Variants in SYT1 observed in about 807,000 individuals in gnomAD.
SYT1 encodes the protein synaptotagmin-1.
Under a neutral mutation model 44.8 loss-of-function variants are expected in SYT1, and 8 were observed. The ratio of observed to expected loss-of-function variants is 0.18; its 90% CI spans 0.10 to 0.32. SYT1 has a LOEUF of 0.32. Among genes scored for constraint, SYT1 ranks in the 10% least tolerant of loss-of-function variants. SYT1 has a pLI of 1.00. For missense variants in SYT1, 286 were observed against 509.3 expected, an observed-to-expected ratio of 0.56 and a Z score of 4.22; for synonymous variants, 154 against 188.8, an observed-to-expected ratio of 0.82 and a Z score of 1.51.
At chr12:79,273,443 A>C (rs1321903285) in intron 4 of SYT1, among the ~76,000 whole-genome samples, 1 of 152,158 alleles carries the variant, frequency 6.6e-6, no homozygotes, top group Admixed American at 6.5e-5. Context: ...GAAGGAAAAG[A>C]GAAACTTAAC....
At chr12:79,127,750 G>A (rs183653175) in intron 3 of SYT1, among the ~76,000 whole-genome samples, 1 of 152,296 alleles carries the variant, frequency 6.6e-6, no homozygotes, top group Admixed American at 6.5e-5. Context: ...AAGACGAAAA[G>A]CTCATAGGAG....
At chr12:79,113,409 T>A (rs529450077) in intron 3 of SYT1, among the ~76,000 whole-genome samples, 1 of 152,286 alleles carries the variant, frequency 6.6e-6, no homozygotes, top group African/African-American at 2.4e-5. Flanking sequence ...AGATATGACT[T>A]TGAAACTACG....
chr12:79,439,667 G>A (rs1052000343), intron 9 of SYT1, among the ~76,000 whole-genome samples: 3 of 151,986 alleles, frequency 2.0e-5, no homozygotes, highest in Non-Finnish European at 2.9e-5. Flanking sequence ...CTTTCCATGT[G>A]GTAACTCAAT....
intron 3 of SYT1, among the ~76,000 whole-genome samples, chr12:79,133,135 G>C (rs10746056): frequency 0.54 from 81,338 of 152,018 alleles, 22,014 homozygotes; most frequent in East Asian, 0.66. Context: ...TAATGAGATA[G>C]ATAGATAGAA....
At chr12:79,112,071 C>T (rs1879043934) in intron 3 of SYT1, among the ~76,000 whole-genome samples, 1 of 149,514 alleles carries the variant, frequency 6.7e-6, no homozygotes, top group Admixed American at 6.7e-5. Flanking sequence ...GCAAGAAAGA[C>T]ATGGTATAAG....
rs762532540 is a variant in SYT1, at chr12:79,237,644, C to T, written c.166+19959C>T. On this transcript the variant is annotated intron_variant, in intron 4 of 10. Coordinates refer to ENST00000261205, the MANE Select transcript of SYT1 (RefSeq NM_005639.3). ...GCCTACTCCAGCTCCAGAAGCTGCCCGTTGAAAATTTTAAGTTAAAAAAAA... is the reference window on the plus strand; with the variant it reads ...GCCTACTCCAGCTCCAGAAGCTGCCTGTTGAAAATTTTAAGTTAAAAAAAA... Among the ~76,000 whole-genome samples the T allele has an allele frequency of 5.3e-5, 8 of 151,856 alleles. No individual in the cohort carries two copies. In the South Asian group the frequency reaches 1.2e-3, roughly 24 times the overall value.
At chr12:78,953,197 T>C (rs1009094534) in intron 1 of SYT1, among the ~76,000 whole-genome samples, 5 of 152,038 alleles carry the variant, frequency 3.3e-5, no homozygotes, top group African/African-American at 1.2e-4. Flanking sequence ...ATTGTGAGTC[T>C]GGAGAAAGTG....
chr12:79,218,937 A>G (rs1319904270), intron 4 of SYT1, among the ~76,000 whole-genome samples: 3 of 152,320 alleles, frequency 2.0e-5, no homozygotes, highest in Non-Finnish European at 4.4e-5. Flanking sequence ...AGAAATCTCC[A>G]TACTGTTTTC....
At chr12:79,303,735 T>G (rs539151050) in intron 8 of SYT1, among the ~76,000 whole-genome samples, 3 of 152,308 alleles carry the variant, frequency 2.0e-5, no homozygotes, top group African/African-American at 7.2e-5. Flanking sequence ...CAGAAAAGCA[T>G]GTGAAGAATA....
intron 3 of SYT1, among the ~76,000 whole-genome samples, chr12:79,174,551 A>C (rs1005784489): frequency 3.9e-5 from 6 of 152,188 alleles, no homozygotes; most frequent in Non-Finnish European, 7.4e-5. Flanking sequence ...TTTATGAGAC[A>C]CTAGCAAGGA....
At chr12:79,316,182 C>T (rs1387541825) in intron 8 of SYT1, among the ~76,000 whole-genome samples, 1 of 152,168 alleles carries the variant, frequency 6.6e-6, no homozygotes, top group East Asian at 1.9e-4. Flanking sequence ...TGTCTTAGTG[C>T]AAGCTCCTAG....
chr12:79,427,291 T>G (rs1460325337), intron 9 of SYT1, among the ~76,000 whole-genome samples: 3 of 152,210 alleles, frequency 2.0e-5, no homozygotes, highest in African/African-American at 7.2e-5. Flanking sequence ...ATTATGTTAG[T>G]GTTCAGTGAG....
At chr12:79,092,203 T>C (rs1398258490) in intron 3 of SYT1, among the ~76,000 whole-genome samples, 1 of 151,892 alleles carries the variant, frequency 6.6e-6, no homozygotes, top group Non-Finnish European at 1.5e-5. Flanking sequence ...AGATAGATTT[T>C]CCAAGGGGTT....
intron 9 of SYT1, among the ~76,000 whole-genome samples, chr12:79,382,319 G>T (rs1232908650): frequency 6.6e-6 from 1 of 152,164 alleles, no homozygotes; most frequent in African/African-American, 2.4e-5. Context: ...TTCCCTGAAA[G>T]ACTATTTTCC....
chr12:79,431,544 A>ATTTATTTATTTG (rs1869787754), intron 9 of SYT1, among the ~76,000 whole-genome samples: 3 of 148,322 alleles, frequency 2.0e-5, no homozygotes, highest in Admixed American at 6.7e-5. Flanking sequence ...TTATTTATTT[A>ATTTATTTATTTG]TTTATTTATT....
At chr12:78,982,232 T>C (rs1869316346) in intron 2 of SYT1, among the ~76,000 whole-genome samples, 1 of 152,146 alleles carries the variant, frequency 6.6e-6, no homozygotes, top group Non-Finnish European at 1.5e-5. Flanking sequence ...ATCTATGGTA[T>C]AAGAAGCAAG....
At chr12:78,941,307 C>T (rs1347378836) in intron 1 of SYT1, among the ~76,000 whole-genome samples, 8 of 151,132 alleles carry the variant, frequency 5.3e-5, no homozygotes, top group East Asian at 2.0e-4. Flanking sequence ...CTCCTGACCT[C>T]GTGATCCGCC....
At chr12:79,392,403 A>G (rs1440814906) in intron 9 of SYT1, 1 of 152,240 alleles carries the variant, frequency 6.6e-6, no homozygotes, top group Non-Finnish European at 1.5e-5. Context: ...CAAAGATTAC[A>G]TTAAGAACAT....
chr12:79,272,301 G>A (rs1304733826), intron 4 of SYT1, among the ~76,000 whole-genome samples: 1 of 152,112 alleles, frequency 6.6e-6, no homozygotes, highest in African/African-American at 2.4e-5. Flanking sequence ...CAAAATAATT[G>A]ATAATTATAT....
Sources: allele counts gnomAD v4.1 joint callset (sites outside exome capture counted in the v4.1 genomes callset), GRCh38; gene constraint gnomAD v4.1.1; transcripts MANE v1.5; gene names NCBI Gene and HGNC (gene_info 2026-07-23, HGNC 2026-07-21).